Variants in DYSF observed in about 807,000 individuals in gnomAD.
DYSF encodes the protein dysferlin, also known as dystrophy-associated fer-1-like 1.
In DYSF, 212 loss-of-function variants were observed where a neutral mutation model predicts 274.9. The ratio of observed to expected loss-of-function variants is 0.77; its 90% CI spans 0.69 to 0.86. DYSF has a LOEUF of 0.86. Ranked by LOEUF, DYSF falls within the 40% of genes least tolerant of loss-of-function variation. The pLI is 0.00. For missense variants in DYSF, 2,666 were observed against 2,783.2 expected (o/e 0.96, Z 0.95); for synonymous variants, 1,091 against 1,078.7 (o/e 1.01, Z -0.22).
intron 22 of DYSF, among the ~76,000 whole-genome samples, chr2:71,556,400 C>T (rs370819236): frequency 2.0e-5 from 3 of 152,106 alleles, no homozygotes; most frequent in Admixed American, 6.5e-5. Context: ...GGTGGGGTGA[C>T]GGCGCCCCTC....
rs199543257 is a variant in DYSF, at chr2:71,564,196, C to T, written c.2548C>T (p.Gln850Ter). The change falls in exon 24 of 56, where the codon CAG becomes TAG. Residue 850 changes from glutamine to a stop codon, truncating the protein, a stop_gained. Transcript: ENST00000410020. LOFTEE classifies it high-confidence loss of function. ...NYCGKNCGKLQTIFLKYPMEK... is the reference protein window; with the variant it reads ...NYCGKNCGKL ...CTGTGGCAAGAATTGTGGGAAGCTA[C>T]AGACAATCTTTCTGAAAGTGAGTTT... is the stretch of plus-strand genomic sequence containing the variant. The T allele has an allele frequency of 2.5e-6, 4 of 1,614,266 alleles. No homozygotes were observed. The East Asian group carries it at 8.9e-5, about 36-fold the overall frequency.
rs140667960 is a variant in DYSF, at chr2:71,528,392, G to C, written c.1371G>C (p.Ala457=). The change falls in exon 14 of 56, where the codon GCG becomes GCC. Residue 457 remains alanine, a synonymous_variant. Coordinates refer to ENST00000410020, the MANE Select transcript of DYSF (RefSeq NM_001130987.2). ...LVDPFVEVSF[A]GKMLCSKILE... is the part of the protein sequence containing the mutation. Reference sequence around the variant, plus strand: ...ACCCCTTTGTGGAGGTCAGCTTTGCGGGGAAAATGGTAAGGAGCAAGGGAG... The same window carrying C: ...ACCCCTTTGTGGAGGTCAGCTTTGCCGGGAAAATGGTAAGGAGCAAGGGAG... 1.5e-5 allele frequency: 24 copies of C among 1,613,760 alleles called. No homozygotes were observed. Among genetic ancestry groups the C allele is most frequent in the Non-Finnish European group, 1.9e-5 (23 of 1,179,856 alleles).
intron 1 of DYSF, among the ~76,000 whole-genome samples, chr2:71,469,500 G>T (rs894824506): frequency 6.6e-6 from 1 of 152,244 alleles, no homozygotes; most frequent in African/African-American, 2.4e-5. Context: ...ATGGGACAGT[G>T]GCCTGCTTGC....
intron 3 of DYSF, among the ~76,000 whole-genome samples, chr2:71,492,314 C>T (rs191003081): frequency 2.0e-3 from 309 of 152,244 alleles, no homozygotes; most frequent in East Asian, 7.4e-3. Context: ...CTGCCTGGCA[C>T]GCATAGCGGA....
intron 17 of DYSF, among the ~76,000 whole-genome samples, chr2:71,543,579 A>G (rs1019853876): frequency 2.6e-5 from 4 of 152,212 alleles, no homozygotes; most frequent in African/African-American, 9.6e-5. Context: ...AACATTGAGC[A>G]CTGAGTGAAC....
At chr2:71,577,670 C>A (rs2092755543) in intron 30 of DYSF, among the ~76,000 whole-genome samples, 1 of 151,624 alleles carries the variant, frequency 6.6e-6, no homozygotes, top group Non-Finnish European at 1.5e-5. Flanking sequence ...GCACACGCAC[C>A]CACACACACT....
In DYSF at chr2:71,503,243, G is replaced by A. The variant is rs370745710; in HGVS notation, c.269G>A (p.Arg90Gln). ...CTGGGGGAAGCCAAGGTCCCACTCC[G>A]AGAGGTCCTCGCCACCCCTAGTCTG... ...RFLGEAKVPL[R>Q]EVLATPSLSA... Residue 90 changes from arginine (R) to glutamine (Q), a missense_variant, in exon 4 of 56, where the codon CGA becomes CAA. Coordinates refer to ENST00000410020, the MANE Select transcript of DYSF (RefSeq NM_001130987.2). 5.0e-6 allele frequency: 8 copies of A among 1,613,942 alleles called. No homozygotes were observed. The highest frequency in any genetic ancestry group is 1.6e-4 in the Middle Eastern group (1 of 6,084).
At position 71,678,739 on chromosome 2, in the gene DYSF, G is replaced by T. The variant is rs547050933; in HGVS notation, c.5885-318G>T. Among the ~76,000 whole-genome samples the T allele has an allele frequency of 3.9e-5, 6 of 152,342 alleles. No homozygotes were observed. The East Asian group carries it at 1.2e-3, about 29-fold the overall frequency. ...ATTAAAAAAAAATTGATGTATGGCT[G>T]TTTATAGACGGTGTATGAATGGATT... On this transcript the variant is annotated intron_variant, in intron 52 of 55. Transcript: ENST00000410020.
Position 71,503,232 on chromosome 2 carries a change from G to T in DYSF, c.258G>T (p.Lys86Asn). ...CTCTCAGGTTCCTGGGGGAAGCCAA[G>T]GTCCCACTCCGAGAGGTCCTCGCCA... is the stretch of plus-strand genomic sequence containing the variant. ...MGRNRFLGEA[K>N]VPLREVLATP... Residue 86 changes from lysine to asparagine, a missense_variant, in exon 4 of 56, where the codon AAG (lysine) becomes AAT (asparagine). Transcript: ENST00000410020. 1.2e-6 allele frequency: 2 copies of T among 1,614,072 alleles called. No individual in the cohort carries two copies. Among genetic ancestry groups the T allele is most frequent in the Non-Finnish European group, 1.7e-6 (2 of 1,179,976 alleles).
At chr2:71,612,045 G>T (rs1222334581) in intron 38 of DYSF, among the ~76,000 whole-genome samples, 1 of 152,164 alleles carries the variant, frequency 6.6e-6, no homozygotes, top group African/African-American at 2.4e-5. Flanking sequence ...AGGCCCTCCA[G>T]GCCTCTCCAC....
At chr2:71,552,094 C>A (rs1001752527) in intron 19 of DYSF, among the ~76,000 whole-genome samples, 3 of 152,238 alleles carry the variant, frequency 2.0e-5, no homozygotes, top group African/African-American at 7.2e-5. Context: ...CTCCTCCCAG[C>A]ACCATGAGGT....
At chr2:71,667,626 TC>T in intron 48 of DYSF, 111 bp downstream of exon 48, 1 of 1,496,256 alleles carries the variant, frequency 6.7e-7, no homozygotes, top group Non-Finnish European at 9.1e-7. Context: ...ATTTGGTCAA[TC>T]CTTCCTTGAC....
intron 41 of DYSF, among the ~76,000 whole-genome samples, chr2:71,623,680 A>G (rs2094151537): frequency 6.6e-6 from 1 of 151,364 alleles, no homozygotes; most frequent in African/African-American, 2.4e-5. Flanking sequence ...GATACTTGCA[A>G]AAAAAAAATC....
intron 12 of DYSF, among the ~76,000 whole-genome samples, chr2:71,521,921 A>G (rs1297659426): frequency 1.3e-5 from 2 of 152,054 alleles, no homozygotes; most frequent in African/African-American, 2.4e-5. Context: ...GGAGAGGCAG[A>G]GCTGCACAGC....
intron 12 of DYSF, among the ~76,000 whole-genome samples, chr2:71,521,607 C>T (rs1424539932): frequency 6.6e-6 from 1 of 152,070 alleles, no homozygotes; most frequent in Non-Finnish European, 1.5e-5. Flanking sequence ...GGTGAGGTAC[C>T]TGAATATGGC....
intron 54 of DYSF, among the ~76,000 whole-genome samples, chr2:71,681,659 C>T (rs1203469866): frequency 6.6e-6 from 1 of 152,212 alleles, no homozygotes; most frequent in Non-Finnish European, 1.5e-5. Flanking sequence ...TTCCCTACAT[C>T]ACAGACCTCT....
intron 14 of DYSF, among the ~76,000 whole-genome samples, chr2:71,532,508 G>A (rs1430078976): frequency 1.3e-5 from 2 of 152,226 alleles, no homozygotes; most frequent in South Asian, 2.1e-4. Flanking sequence ...GGAACAGGAT[G>A]GGGGAAGGCT....
intron 1 of DYSF, among the ~76,000 whole-genome samples, chr2:71,459,112 G>A (rs1327978006): frequency 6.6e-6 from 1 of 152,184 alleles, no homozygotes; most frequent in Admixed American, 6.5e-5. Flanking sequence ...GGAGAGGGAA[G>A]AAGGCCTCAT....
intron 29 of DYSF, among the ~76,000 whole-genome samples, chr2:71,572,879 T>C (rs1209862608): frequency 6.6e-6 from 1 of 152,208 alleles, no homozygotes; most frequent in Non-Finnish European, 1.5e-5. Context: ...GTGGGCCCCG[T>C]TGGCATTCAT....
Sources: allele counts gnomAD v4.1 joint callset (sites outside exome capture counted in the v4.1 genomes callset), GRCh38; gene constraint gnomAD v4.1.1; transcripts MANE v1.5; gene names NCBI Gene and HGNC (gene_info 2026-07-23, HGNC 2026-07-21).